ABCD4: variants seen among roughly 807,000 people sequenced by gnomAD.
ABCD4 encodes the protein lysosomal cobalamin transporter ABCD4.
In ABCD4, 53 loss-of-function variants were observed where a neutral mutation model predicts 86.3. The observed-to-expected ratio is 0.61, with a 90% CI of 0.49 to 0.77. The LOEUF is 0.77. ABCD4 is among the 30% of genes least tolerant of loss of function. The probability of loss-of-function intolerance (pLI) is 0.00; values close to 1 mark genes in which losing one functional copy is unlikely to be tolerated. For synonymous variants in ABCD4, 328 were observed against 313.6 expected (o/e 1.05, Z -0.49); for missense variants, 757 against 764.5 (o/e 0.99, Z 0.12).
rs1567015577 is a variant in ABCD4, at chr14:74,301,300, CGGGCG to C, written c.39-1037_39-1033del. 7.2e-5 allele frequency among the ~76,000 whole-genome samples: 11 copies of C among 151,774 alleles called. No individual in the cohort carries two copies. The East Asian group carries it at 2.1e-3, about 30-fold the overall frequency. On this transcript the variant is annotated intron_variant, in intron 1 of 18. Transcript: ENST00000356924. Reference sequence around the variant, plus strand: ...TCAGCCTTTTTAGTGGCTGGGAGTACGGGCGTGCGTCAACACGCTCAGCTAATTTT... The same window carrying C: ...TCAGCCTTTTTAGTGGCTGGGAGTACTGCGTCAACACGCTCAGCTAATTTT...
chr14:74,287,721 A>G, intron 17 of ABCD4, 89 bp downstream of exon 17: 1 of 1,246,184 alleles, frequency 8.0e-7, no homozygotes, highest in South Asian at 1.3e-5. Context: ...AGCCATTCAC[A>G]GGTGTGCCTG....
chr14:74,292,404 G>C, intron 10 of ABCD4, 28 bp from the exon 11 acceptor site: 1 of 1,612,324 alleles, frequency 6.2e-7, no homozygotes. Context: ...ATCTGAGGCA[G>C]GGTCTGGGAG....
chr14:74,301,112 C>G (rs2084349855), intron 1 of ABCD4, among the ~76,000 whole-genome samples: 1 of 150,842 alleles, frequency 6.6e-6, no homozygotes, highest in African/African-American at 2.4e-5. Context: ...CCTCGGCCTC[C>G]CAAAGTGCTG....
intron 1 of ABCD4, among the ~76,000 whole-genome samples, chr14:74,300,864 A>AT (rs1407479250): frequency 6.6e-6 from 1 of 151,922 alleles, no homozygotes; most frequent in Admixed American, 6.6e-5. Flanking sequence ...TGAAATCTTT[A>AT]TTTTTTTGAG....
At chr14:74,287,732 G>C (rs1483262091) in intron 17 of ABCD4, 78 bp downstream of exon 17, 7 of 1,346,426 alleles carry the variant, frequency 5.2e-6, no homozygotes, top group Non-Finnish European at 7.3e-6. Context: ...GGTGTGCCTG[G>C]GTGCCTGTGA....
chr14:74,292,553 G>A lies in ABCD4; in HGVS notation c.1026C>T (p.His342=). ...AGAGGGGTGGGACACGGCCTCACCT[G>A]TGCGTGTAGCCAGCCACATCTGAGA... ...TTLSDVAGYT[H]RIGQLRETLL... is the part of the protein sequence containing the mutation. The change falls in exon 10 of 19, where the codon CAC becomes CAT. Residue 342 remains histidine (H), a splice_region_variant and synonymous_variant. Coordinates refer to ENST00000356924, the MANE Select transcript of ABCD4 (RefSeq NM_005050.4). The A allele has an allele frequency of 5.0e-6, 8 of 1,613,942 alleles. No individual in the cohort carries two copies. The highest frequency in any genetic ancestry group is 6.8e-6 in the Non-Finnish European group (8 of 1,179,932).
chr14:74,296,275 G>A (rs2082834307), intron 5 of ABCD4, 58 bp downstream of exon 5: 3 of 1,528,570 alleles, frequency 2.0e-6, no homozygotes, highest in Admixed American at 3.3e-5. Flanking sequence ...CTTGACCTGG[G>A]AGAGCTGACT....
At chr14:74,288,614 A>T in intron 15 of ABCD4, 102 bp downstream of exon 15, 2 of 1,380,548 alleles carry the variant, frequency 1.4e-6, no homozygotes, top group Non-Finnish European at 2.0e-6. Context: ...CCAGGTTCAG[A>T]CTTCCAGTCC....
chr14:74,293,408 A>G (rs888122258), intron 7 of ABCD4, 160 bp from the exon 8 acceptor site: 2 of 600,330 alleles, frequency 3.3e-6, no homozygotes, highest in Non-Finnish European at 5.9e-6. Context: ...GGCTTCAGTC[A>G]TGCCTTAATG....
In ABCD4 at chr14:74,286,427, CCA is replaced by C. The variant is rs1450931629; in HGVS notation, c.*32_*33del. ...GTCTCTCCTGAGGGCCGCCGACCCGCCACAGTGTGGCTCTCCTTCCAAAAGCC... is the reference window on the plus strand; with the variant it reads ...GTCTCTCCTGAGGGCCGCCGACCCGCCAGTGTGGCTCTCCTTCCAAAAGCC... On this transcript the variant is annotated 3_prime_UTR_variant, in exon 19 of 19. Coordinates refer to ENST00000356924, the MANE Select transcript of ABCD4 (RefSeq NM_005050.4). 5 of 1,612,584 alleles carry C rather than the reference CCA, an allele frequency of 3.1e-6. No individual in the cohort carries two copies. Among genetic ancestry groups the C allele is most frequent in the African/African-American group, 1.3e-5 (1 of 74,926 alleles).
intron 12 of ABCD4, 85 bp downstream of exon 12, chr14:74,290,206 G>A: frequency 6.2e-7 from 1 of 1,610,850 alleles, no homozygotes. Flanking sequence ...CAACAGAAAA[G>A]AATGGATTCT....
rs1356545938 is a variant in ABCD4, at chr14:74,289,507, G to A, written c.1432C>T (p.Leu478=). The A allele has an allele frequency of 6.2e-7, 1 of 1,613,826 alleles. No homozygotes were observed. Among genetic ancestry groups the A allele is most frequent in the Non-Finnish European group, 8.5e-7 (1 of 1,179,940 alleles). ...GTLREQVIYP[L]KEVYPDSGSA... is the part of the protein sequence containing the mutation. ...CCTGAGTCGGGGTAGACCTCCTTCAGGGGATATATCACCTGAGAAAAGAAA... is the reference window on the plus strand; with the variant it reads ...CCTGAGTCGGGGTAGACCTCCTTCAAGGGATATATCACCTGAGAAAAGAAA... Residue 478 remains leucine (L), a synonymous_variant, in exon 14 of 19, where the codon CTG becomes TTG. Coordinates refer to ENST00000356924, the MANE Select transcript of ABCD4 (RefSeq NM_005050.4).
At chr14:74,295,302 C>A in intron 6 of ABCD4, 104 bp from the exon 7 acceptor site, 1 of 1,383,798 alleles carries the variant, frequency 7.2e-7, no homozygotes, top group Admixed American at 1.9e-5. Flanking sequence ...CCCGGCTCTG[C>A]CTCAAAACCG....
chr14:74,293,033 C>A, intron 8 of ABCD4, 121 bp downstream of exon 8: 1 of 1,445,322 alleles, frequency 6.9e-7, no homozygotes, highest in Non-Finnish European at 9.5e-7. Flanking sequence ...CCCTCCTCAT[C>A]CCCGGTTAAT....
In ABCD4 at chr14:74,286,695, G is replaced by A. The variant is rs771304593; in HGVS notation, c.1752+6C>T. 6 of 1,613,868 alleles carry A rather than the reference G, an allele frequency of 3.7e-6. No individual in the cohort carries two copies. Among genetic ancestry groups the A allele is most frequent in the African/African-American group, 2.7e-5 (2 of 74,924 alleles). On this transcript the variant is annotated splice_donor_region_variant and intron_variant, in intron 18 of 18. Coordinates refer to ENST00000356924, the MANE Select transcript of ABCD4 (RefSeq NM_005050.4). ...CTCCTCAGGCCATCCTTGTGAGCACGGGTACCTTCTCAAGGCTCTGCCGAT... is the reference window on the plus strand; with the variant it reads ...CTCCTCAGGCCATCCTTGTGAGCACAGGTACCTTCTCAAGGCTCTGCCGAT...
rs1566905248 is a variant in ABCD4 at position 74,286,399 on chromosome 14, C to T, written c.*62G>A. 6.4e-7 allele frequency: 1 copy of T among 1,574,046 alleles called. No individual in the cohort carries two copies. Among genetic ancestry groups the T allele is most frequent in the Admixed American group, 1.7e-5 (1 of 59,916 alleles). On this transcript the variant is annotated 3_prime_UTR_variant, in exon 19 of 19. Transcript: ENST00000356924. Reference sequence around the variant, plus strand: ...AGCTCGATCTTCGCTGTCAGTCCTCCTGGTCTCTCCTGAGGGCCGCCGACC... The same window carrying T: ...AGCTCGATCTTCGCTGTCAGTCCTCTTGGTCTCTCCTGAGGGCCGCCGACC...
intron 1 of ABCD4, among the ~76,000 whole-genome samples, chr14:74,301,639 G>A (rs1209345004): frequency 2.6e-5 from 4 of 152,290 alleles, no homozygotes; most frequent in East Asian, 3.9e-4. Flanking sequence ...TGCACTGCCC[G>A]TCGGGAAGTG....
At chr14:74,289,344 A>G in intron 14 of ABCD4, 139 bp downstream of exon 14, 2 of 1,463,122 alleles carry the variant, frequency 1.4e-6, no homozygotes, top group Admixed American at 5.4e-5. Flanking sequence ...AGTCAAAGGA[A>G]GAGGAGAGGA....
intron 13 of ABCD4, 144 bp downstream of exon 13, chr14:74,289,883 C>A: frequency 6.7e-7 from 1 of 1,492,354 alleles, no homozygotes; most frequent in Non-Finnish European, 8.9e-7. Context: ...GTTCTTAGAG[C>A]CAGCAGTTCC....
Sources: gnomAD v4.1 joint callset for allele counts (sites outside exome capture counted in the v4.1 genomes callset) on GRCh38, gnomAD v4.1.1 for gene constraint, MANE v1.5 for transcripts, NCBI Gene and HGNC (gene_info 2026-07-23, HGNC 2026-07-21) for gene names.